Variants in XPA observed in about 807,000 individuals in gnomAD.
XPA encodes DNA repair protein complementing XP-A cells.
Under a neutral mutation model 35.7 loss-of-function variants are expected in XPA, and 27 were observed. That is an observed-to-expected ratio of 0.76 (90% CI 0.56 to 1.04). The LOEUF (loss-of-function observed/expected upper bound fraction) is 1.04, where lower values mean the gene tolerates loss of function less well. Among genes scored for constraint, XPA ranks in the 50% least tolerant of loss-of-function variants. XPA has a pLI of 0.00. For missense variants in XPA, 354 were observed against 342.7 expected, an observed-to-expected ratio of 1.03 and a Z score of -0.26; for synonymous variants, 133 against 118.4, an observed-to-expected ratio of 1.12 and a Z score of -0.80.
At position 97,697,215 on chromosome 9, in the gene XPA, C is replaced by T. The variant is rs761850890; in HGVS notation, c.78G>A (p.Ala26=). ...QPAELPASVR[A]SIERKRQRAL... ...CCCGCTGCCGCTTCCGCTCGATACT[C>T]GCCCGCACCGAGGCAGGCAGCTCCG... is the stretch of plus-strand genomic sequence containing the variant. Residue 26 remains alanine (A), a synonymous_variant, in exon 1 of 6, where the codon GCG becomes GCA. Transcript: ENST00000375128. 6.2e-7 allele frequency: 1 copy of T among 1,601,416 alleles called. No individual in the cohort carries two copies. Among genetic ancestry groups the T allele is most frequent in the Admixed American group, 1.7e-5 (1 of 59,910 alleles).
chr9:97,657,885 G>GCTCTCT, the XPA span, among the ~76,000 whole-genome samples: 195 of 113,986 alleles, frequency 1.7e-3, 1 homozygote, highest in African/African-American at 6.0e-3. Context: ...GCCCCGGTAA[G>GCTCTCT]CTCTCTCTCT....
chr9:97,687,170 G>T lies in XPA; in HGVS notation c.481C>A (p.Pro161Thr). 1 of 1,612,470 alleles carries T rather than the reference G, an allele frequency of 6.2e-7. No homozygotes were observed. The highest frequency in any genetic ancestry group is 8.5e-7 in the Non-Finnish European group (1 of 1,179,544). ...KDCDLEKREP[P>T]LKFIVKKNPH... The stretch of plus-strand genomic sequence containing the variant: ...TTCTTCTTCACAATAAATTTAAGAG[G>T]TGGCTCTCTTTTTTCTAAATCACAG... The change falls in exon 4 of 6, where the codon CCT becomes ACT. Residue 161 changes from proline to threonine, a missense_variant. Physicochemically the swap from Pro to Thr is conservative, Grantham distance 38. Coordinates refer to ENST00000375128, the MANE Select transcript of XPA (RefSeq NM_000380.4).
intron 2 of XPA, among the ~76,000 whole-genome samples, chr9:97,691,305 A>G (rs1159829304): frequency 6.6e-6 from 1 of 152,210 alleles, no homozygotes; most frequent in Non-Finnish European, 1.5e-5. Context: ...CCCAGCACAG[A>G]AAAACCACTC....
chr9:97,663,303 C>T, the XPA span, among the ~76,000 whole-genome samples: 1 of 152,120 alleles, frequency 6.6e-6, no homozygotes, highest in Non-Finnish European at 1.5e-5. Context: ...TTTATCTAGT[C>T]TATCCAGTTT....
downstream of XPA, chr9:97,671,211 T>C: frequency 6.5e-7 from 1 of 1,548,804 alleles, no homozygotes; most frequent in South Asian, 1.2e-5. Context: ...GGTCATTTTT[T>C]CCTCATGTCA....
At chr9:97,671,051 T>C, downstream of XPA, 1 of 1,415,608 alleles carries the variant, frequency 7.1e-7, no homozygotes, top group Non-Finnish European at 1.0e-6. Context: ...ATATGCTTTT[T>C]CCTGACCTAA....
chr9:97,677,047 A>G (rs1447550542), intron 5 of XPA, among the ~76,000 whole-genome samples: 1 of 151,708 alleles, frequency 6.6e-6, no homozygotes. Flanking sequence ...GATGTTGCCT[A>G]CTTGAATTCT....
At chr9:97,679,447 A>C (rs138907300) in intron 5 of XPA, among the ~76,000 whole-genome samples, 1 of 152,228 alleles carries the variant, frequency 6.6e-6, no homozygotes, top group Non-Finnish European at 1.5e-5. Context: ...AGGGGATTCT[A>C]CTGGGCAAAT....
intron 1 of XPA, among the ~76,000 whole-genome samples, chr9:97,695,404 T>C (rs976686236): frequency 6.6e-6 from 1 of 152,222 alleles, no homozygotes; most frequent in African/African-American, 2.4e-5. Flanking sequence ...CCTTTACTTG[T>C]ATACTTCTGA....
chr9:97,697,150 T>C lies in XPA; in HGVS notation c.143A>G (p.Tyr48Cys). Residue 48 changes from tyrosine to cysteine, a missense_variant, in exon 1 of 6, where the codon TAC becomes TGC. Physicochemically the swap from Tyr to Cys is radical, Grantham distance 194. Coordinates refer to ENST00000375128, the MANE Select transcript of XPA (RefSeq NM_000380.4). ...LRQARLAARP[Y>C]SATAAAATGG... ...AGTAGCCGCAGCCGCCGTCGCCGAG[T>C]AGGGCCGGGCAGCCAGCCGGGCCTG... 1 of 1,565,442 alleles carries C rather than the reference T, an allele frequency of 6.4e-7. No homozygotes were observed. Among genetic ancestry groups the C allele is most frequent in the East Asian group, 2.4e-5 (1 of 42,490 alleles).
intron 5 of XPA, among the ~76,000 whole-genome samples, chr9:97,677,380 G>T (rs1052113731): frequency 3.9e-5 from 6 of 152,010 alleles, no homozygotes; most frequent in African/African-American, 1.4e-4. Context: ...AAAAACTTGT[G>T]CCAGAAAGTA....
downstream of XPA, among the ~76,000 whole-genome samples, chr9:97,674,311 G>GTGTT (rs1828286309): frequency 6.9e-6 from 1 of 144,786 alleles, no homozygotes; most frequent in Non-Finnish European, 1.5e-5. Flanking sequence ...GAGTGTGAAG[G>GTGTT]TGTTTAAAAA....
intron 5 of XPA, among the ~76,000 whole-genome samples, chr9:97,678,315 C>T (rs1189328288): frequency 2.0e-5 from 3 of 152,018 alleles, no homozygotes; most frequent in Non-Finnish European, 2.9e-5. Flanking sequence ...ACAGGAGAAT[C>T]GCATGAACCC....
chr9:97,680,224 T>C (rs756233799), intron 5 of XPA, among the ~76,000 whole-genome samples: 3 of 152,224 alleles, frequency 2.0e-5, no homozygotes, highest in Non-Finnish European at 2.9e-5. Context: ...TTTTTGTTTT[T>C]TGAGACAGGG....
the XPA span, chr9:97,668,793 T>C: frequency 2.9e-4 from 460 of 1,583,718 alleles, no homozygotes; most frequent in Non-Finnish European, 3.8e-4. Flanking sequence ...GGAGGAGATT[T>C]AACACACTGG....
chr9:97,674,787 G>C (rs190584110), downstream of XPA: 44 of 381,622 alleles, frequency 1.2e-4, no homozygotes, highest in African/African-American at 9.0e-4. Context: ...TGCCTTCTTT[G>C]ATCAACAATC....
At chr9:97,659,059 A>G in the XPA span, among the ~76,000 whole-genome samples, 1 of 152,266 alleles carries the variant, frequency 6.6e-6, no homozygotes, top group Non-Finnish European at 1.5e-5. Context: ...GGTTACTTGA[A>G]TTCATTATCT....
chr9:97,687,291 T>C (rs751428814), intron 3 of XPA, 30 bp from the exon 4 acceptor site: 2 of 1,556,410 alleles, frequency 1.3e-6, no homozygotes, highest in South Asian at 2.4e-5. Context: ...ATTATATAAA[T>C]TAGTTATTTT....
intron 2 of XPA, among the ~76,000 whole-genome samples, chr9:97,692,323 T>C (rs1041134580): frequency 6.6e-6 from 1 of 151,994 alleles, no homozygotes; most frequent in African/African-American, 2.4e-5. Context: ...GGAATTGTCA[T>C]TATGTCATTA....
Sources: allele counts gnomAD v4.1 joint callset (sites outside exome capture counted in the v4.1 genomes callset), GRCh38; gene constraint gnomAD v4.1.1; transcripts MANE v1.5; gene names NCBI Gene and HGNC (gene_info 2026-07-23, HGNC 2026-07-21).